Variants in GLYATL2 observed in about 807,000 individuals in gnomAD.
The protein encoded by GLYATL2 is glycine-N-acyltransferase like 2, also known as glycine N-acyltransferase-like protein 2.
In GLYATL2, 25 loss-of-function variants were observed where a neutral mutation model predicts 21.4. The ratio of observed to expected loss-of-function variants is 1.17; its 90% CI spans 0.85 to 1.63. GLYATL2 has a LOEUF of 1.63. Ranked by LOEUF, GLYATL2 falls within the 40% of genes most tolerant of loss-of-function variation. The pLI, the probability that GLYATL2 is intolerant of heterozygous loss-of-function variation, is 0.00. For synonymous variants in GLYATL2, 114 were observed against 118.2 expected (o/e 0.96, Z 0.23); for missense variants, 361 against 343.3 (o/e 1.05, Z -0.41).
chr11:58,909,222 G>A, the GLYATL2 span, among the ~76,000 whole-genome samples: 1 of 152,178 alleles, frequency 6.6e-6, no homozygotes, highest in Non-Finnish European at 1.5e-5. Context: ...ATGTAGAAGT[G>A]GTTGTCAGGG....
At chr11:58,848,612 A>G (rs1853684742), upstream of GLYATL2, among the ~76,000 whole-genome samples, 1 of 152,200 alleles carries the variant, frequency 6.6e-6, no homozygotes, top group Non-Finnish European at 1.5e-5. Context: ...CAGAAAAAAG[A>G]ATTAGTGAGC....
upstream of GLYATL2, among the ~76,000 whole-genome samples, chr11:58,906,307 G>A (rs1854882687): frequency 6.6e-6 from 1 of 152,184 alleles, no homozygotes; most frequent in African/African-American, 2.4e-5. Flanking sequence ...CATGGAGATC[G>A]TCTGGGTGTT....
chr11:58,863,389 C>T (rs888568013), intron 1 of GLYATL2, among the ~76,000 whole-genome samples: 1 of 152,230 alleles, frequency 6.6e-6, no homozygotes, highest in East Asian at 1.9e-4. Context: ...GAGAAATGGA[C>T]CTAGGATATT....
At chr11:58,908,211 GT>G (rs1286870903), upstream of GLYATL2, 2 of 152,140 alleles carry the variant, frequency 1.3e-5, no homozygotes, top group African/African-American at 2.4e-5. Flanking sequence ...GGTTCTGCCT[GT>G]TTCCCCTCCC....
intron 1 of GLYATL2, among the ~76,000 whole-genome samples, chr11:58,866,995 T>G (rs74582033): frequency 0.01 from 1,505 of 148,880 alleles, 120 homozygotes; most frequent in Non-Finnish European, 0.017. Context: ...TGAAGGATAT[T>G]GATATGAAAG....
At chr11:58,844,091 A>C (rs1227519588) in intron 1 of GLYATL2, among the ~76,000 whole-genome samples, 2 of 151,822 alleles carry the variant, frequency 1.3e-5, no homozygotes, top group Non-Finnish European at 2.9e-5. Context: ...ATTGGAGGCA[A>C]GGAGAATATT....
intron 1 of GLYATL2, among the ~76,000 whole-genome samples, chr11:58,891,194 C>T (rs907878597): frequency 5.3e-5 from 8 of 152,018 alleles, no homozygotes; most frequent in African/African-American, 1.9e-4. Flanking sequence ...TTCTTTTACT[C>T]TTTAACAACA....
intron 1 of GLYATL2, among the ~76,000 whole-genome samples, chr11:58,871,271 TTTTA>T (rs371060157): frequency 0.012 from 1,748 of 151,848 alleles, 12 homozygotes; most frequent in Non-Finnish European, 0.016. Flanking sequence ...TTTTATTTTA[TTTTA>T]TTTATTTATT....
intron 1 of GLYATL2, among the ~76,000 whole-genome samples, chr11:58,883,152 G>T (rs1048401820): frequency 1.3e-5 from 2 of 152,144 alleles, no homozygotes; most frequent in African/African-American, 4.8e-5. Context: ...GGGCAACATG[G>T]ACATTTTCAC....
upstream of GLYATL2, chr11:58,907,796 C>G (rs778229548): frequency 1.6e-5 from 3 of 182,152 alleles, no homozygotes; most frequent in Admixed American, 1.1e-4. Context: ...ACATGGAAAC[C>G]ATTTCATACT....
chr11:58,887,648 C>A (rs575822145), intron 1 of GLYATL2, among the ~76,000 whole-genome samples: 1 of 152,224 alleles, frequency 6.6e-6, no homozygotes, highest in South Asian at 2.1e-4. Flanking sequence ...TATGGACATC[C>A]CTTCGGGTGA....
At chr11:58,896,914 T>C (rs1038421888) in intron 1 of GLYATL2, among the ~76,000 whole-genome samples, 5 of 152,212 alleles carry the variant, frequency 3.3e-5, no homozygotes, top group Non-Finnish European at 5.9e-5. Context: ...TTCTCTTTAC[T>C]CTTTCTCCAA....
chr11:58,860,816 G>T (rs533586708), intron 1 of GLYATL2, among the ~76,000 whole-genome samples: 1 of 152,072 alleles, frequency 6.6e-6, no homozygotes, highest in South Asian at 2.1e-4. Flanking sequence ...GGAAATCATG[G>T]TGAGCTTTAT....
chr11:58,840,214 T>C (rs2134573987), intron 1 of GLYATL2, among the ~76,000 whole-genome samples: 1 of 152,230 alleles, frequency 6.6e-6, no homozygotes, highest in Admixed American at 6.5e-5. Flanking sequence ...CAAGTAGAAA[T>C]TGGCAAGATC....
At chr11:58,862,206 A>T (rs2134595511) in intron 1 of GLYATL2, among the ~76,000 whole-genome samples, 1 of 152,084 alleles carries the variant, frequency 6.6e-6, no homozygotes, top group African/African-American at 2.4e-5. Flanking sequence ...CTTATATGTT[A>T]TTTGCTTCTT....
chr11:58,887,430 GT>G (rs1210799867), intron 1 of GLYATL2, among the ~76,000 whole-genome samples: 2 of 152,070 alleles, frequency 1.3e-5, no homozygotes, highest in African/African-American at 2.4e-5. Flanking sequence ...TTCTTAATTG[GT>G]TTTTAATCTC....
intron 1 of GLYATL2, chr11:58,892,724 G>C (rs1183061410): frequency 2.9e-6 from 1 of 347,626 alleles, no homozygotes; most frequent in Non-Finnish European, 5.7e-6. Flanking sequence ...AGTGAAGGTA[G>C]AGCATTCAAG....
chr11:58,880,685 A>G (rs1421452930), intron 1 of GLYATL2, among the ~76,000 whole-genome samples: 1 of 152,224 alleles, frequency 6.6e-6, no homozygotes, highest in African/African-American at 2.4e-5. Flanking sequence ...TTGTTTTACA[A>G]CTACAAAAAC....
chr11:58,849,459 A>G (rs1853701756), upstream of GLYATL2, among the ~76,000 whole-genome samples: 1 of 152,180 alleles, frequency 6.6e-6, no homozygotes, highest in Non-Finnish European at 1.5e-5. Context: ...AAAATGACAA[A>G]TTTCTAGACA....
Sources: allele counts gnomAD v4.1 joint callset (sites outside exome capture counted in the v4.1 genomes callset), GRCh38; gene constraint gnomAD v4.1.1; transcripts MANE v1.5; gene names NCBI Gene and HGNC (gene_info 2026-07-23, HGNC 2026-07-21).